The following NECTIN1 variants were observed in gnomAD, a reference collection of about 807,000 sequenced individuals.
NECTIN1 encodes the protein nectin-1.
A neutral mutation model predicts 48.0 loss-of-function variants in NECTIN1; 23 were observed. The observed-to-expected ratio is 0.48, with a 90% CI of 0.34 to 0.68. The LOEUF is 0.68. NECTIN1 is among the 30% of genes least tolerant of loss of function. The pLI is 0.01. For synonymous variants in NECTIN1, 270 were observed against 288.9 expected (o/e 0.93, Z 0.66); for missense variants, 591 against 709.9 (o/e 0.83, Z 1.90).
chr11:119,641,075 CCCTTCTCTCT>C (rs1359487439), intron 5 of NECTIN1: 2 of 148,414 alleles, frequency 1.3e-5, no homozygotes, highest in African/African-American at 5.2e-5. Context: ...TGTCTCTCTC[CCCTTCTCTCT>C]GCTCCATTCC....
intron 1 of NECTIN1, among the ~76,000 whole-genome samples, chr11:119,689,536 C>T (rs117095705): frequency 2.6e-5 from 4 of 152,226 alleles, no homozygotes; most frequent in East Asian, 1.9e-4. Flanking sequence ...GAGGGACTAT[C>T]GGTTCAGGCT....
rs1864743891 is a variant in NECTIN1 at position 119,665,209 on chromosome 11, G to A, written c.1092C>T (p.Ile364=). 3 of 1,606,026 alleles carry A rather than the reference G, an allele frequency of 1.9e-6. No homozygotes were observed. Among genetic ancestry groups the A allele is most frequent in the Non-Finnish European group, 2.5e-6 (3 of 1,179,416 alleles). Reference sequence around the variant, plus strand: ...CGCCGACCACAATCAACACCAGCAGGATGCTCCCCGCCACGCCCCCAATGA... The same window carrying A: ...CGCCGACCACAATCAACACCAGCAGAATGCTCCCCGCCACGCCCCCAATGA... ...TAIIGGVAGS[I]LLVLIVVGGI... The change falls in exon 6 of 6, where the codon ATC becomes ATT. Residue 364 remains isoleucine (I), a synonymous_variant. Transcript: ENST00000264025. The surrounding 1 kb of genome is among the most constrained non-coding windows in gnomAD (Gnocchi z 5.1).
At chr11:119,647,556 C>T (rs1864415176) in intron 5 of NECTIN1, among the ~76,000 whole-genome samples, 1 of 152,050 alleles carries the variant, frequency 6.6e-6, no homozygotes, top group African/African-American at 2.4e-5. Flanking sequence ...ACACACCCAG[C>T]CTGCCCACCT....
chr11:119,648,331 A>C (rs992538295), intron 5 of NECTIN1, among the ~76,000 whole-genome samples: 270 of 3,194 alleles, frequency 0.085, 22 homozygotes, highest in African/African-American at 0.2. Context: ...GATGGTGGTG[A>C]TGGTGGTGGT....
At chr11:119,676,030 AC>A (rs1864942843) in intron 4 of NECTIN1, among the ~76,000 whole-genome samples, 1 of 151,940 alleles carries the variant, frequency 6.6e-6, no homozygotes, top group Non-Finnish European at 1.5e-5. Flanking sequence ...AAATAATAAT[AC>A]AGATGCCTTG....
chr11:119,720,053 T>G, intron 1 of NECTIN1, among the ~76,000 whole-genome samples: 1 of 152,026 alleles, frequency 6.6e-6, no homozygotes, highest in East Asian at 1.9e-4. Flanking sequence ...GGGGGACCAG[T>G]TAGGGTGGTG....
intron 5 of NECTIN1, among the ~76,000 whole-genome samples, chr11:119,647,618 T>A (rs1025530178): frequency 2.0e-5 from 3 of 151,822 alleles, no homozygotes; most frequent in Admixed American, 2.0e-4. Context: ...CCTCCCTATC[T>A]GCTTCTCACA....
rs1006703207 is a variant in NECTIN1, at chr11:119,646,046, G to A, written c.1004-6034C>T. Among the ~76,000 whole-genome samples the A allele has an allele frequency of 3.9e-5, 6 of 152,308 alleles. No individual in the cohort carries two copies. In the South Asian group the frequency reaches 1.0e-3, roughly 26 times the overall value. Reference sequence around the variant, plus strand: ...GCTGCTGGGAGTCCCCTGCCTCCTGGCCTTTTCCTTGAGTTGGGCTCCCGG... The same window carrying A: ...GCTGCTGGGAGTCCCCTGCCTCCTGACCTTTTCCTTGAGTTGGGCTCCCGG... On this transcript the variant is annotated intron_variant, in intron 5 of 7. Transcript: ENST00000341398.
chr11:119,720,495 G>A (rs573606482), intron 1 of NECTIN1, among the ~76,000 whole-genome samples: 16 of 152,404 alleles, frequency 1.0e-4, no homozygotes, highest in Admixed American at 4.6e-4. Context: ...CTGCGAAAGC[G>A]TGGGCTGACC....
chr11:119,712,290 C>T (rs1048742459), intron 1 of NECTIN1, among the ~76,000 whole-genome samples: 1 of 148,908 alleles, frequency 6.7e-6, no homozygotes, highest in Non-Finnish European at 1.5e-5. Flanking sequence ...TCCTTCTCAG[C>T]CTCCAGGTTT....
chr11:119,702,951 G>C (rs1301826877), intron 1 of NECTIN1, among the ~76,000 whole-genome samples: 1 of 152,176 alleles, frequency 6.6e-6, no homozygotes, highest in African/African-American at 2.4e-5. Flanking sequence ...CTGTCCCCCA[G>C]TATGGGTTAA....
intron 4 of NECTIN1, chr11:119,675,698 T>G: frequency 4.1e-6 from 1 of 242,226 alleles, no homozygotes; most frequent in Non-Finnish European, 8.3e-6. Context: ...CTTGGTCTCC[T>G]GGGCAGCTGG....
At position 119,643,351 on chromosome 11, in the gene NECTIN1, C is replaced by T. The variant is rs1209310269; in HGVS notation, c.1004-3339G>A. On this transcript the variant is annotated intron_variant, in intron 5 of 7. Transcript: ENST00000341398. ...GCTGATTTGGGGCATATTTGATCCT[C>T]GTATTGAGCCTGCAAAATGAGATAA... Among the ~76,000 whole-genome samples, 7 of 152,198 alleles carry T rather than the reference C, an allele frequency of 4.6e-5. No homozygotes were observed. In the South Asian group the frequency reaches 8.3e-4, roughly 18 times the overall value.
Position 119,662,429 on chromosome 11 carries a change from G to A in NECTIN1, c.*2318C>T. On this transcript the variant is annotated 3_prime_UTR_variant, in exon 6 of 6. Transcript: ENST00000264025. The surrounding 1 kb of genome is among the most constrained non-coding windows in gnomAD (Gnocchi z 5.3). Reference sequence around the variant, plus strand: ...GTCAGGAGCCTCCTACGTGGCCCATGCTACATGGACCCCAAAATTTGTGCT... The same window carrying A: ...GTCAGGAGCCTCCTACGTGGCCCATACTACATGGACCCCAAAATTTGTGCT... 7.1e-6 allele frequency: 7 copies of A among 985,788 alleles called. No homozygotes were observed. The highest frequency in any genetic ancestry group is 8.4e-6 in the Non-Finnish European group (7 of 829,950). 61.1% of individuals were successfully genotyped at this position (985,788 alleles called of 1,614,324 possible).
In NECTIN1 at chr11:119,648,141, A is replaced by C. The variant is rs137971606; in HGVS notation, c.1004-8129T>G. Among the ~76,000 whole-genome samples, 4 of 141,998 alleles carry C rather than the reference A, an allele frequency of 2.8e-5. No individual in the cohort carries two copies. In the East Asian group the frequency reaches 8.5e-4, roughly 30 times the overall value. 93.2% of individuals were successfully genotyped at this position (141,998 alleles called of 152,430 possible). A position where few individuals can be genotyped will look rare whatever the true frequency, so the allele number is the denominator to read the frequency against. The stretch of plus-strand genomic sequence containing the variant: ...GTAAGCACGTGAGAGCCTGGCACTG[A>C]GCGGCGCCCAGAAATAATAGGAATA... On this transcript the variant is annotated intron_variant, in intron 5 of 7. Transcript: ENST00000341398.
chr11:119,692,321 G>GCTTCC (rs1865270534), intron 1 of NECTIN1, among the ~76,000 whole-genome samples: 1 of 152,210 alleles, frequency 6.6e-6, no homozygotes, highest in Admixed American at 6.5e-5. Context: ...GTGGCCACCT[G>GCTTCC]CTTCCCTTCC....
chr11:119,702,155 T>C (rs6589768), intron 1 of NECTIN1, among the ~76,000 whole-genome samples: 151,724 of 152,332 alleles, frequency 1, 75,571 homozygotes, highest in Middle Eastern at 1. Context: ...ATCTGTGTGA[T>C]GTGATCTCAT....
intron 5 of NECTIN1, among the ~76,000 whole-genome samples, chr11:119,655,543 C>G (rs566558005): frequency 1.3e-5 from 2 of 152,106 alleles, no homozygotes; most frequent in East Asian, 3.9e-4. Context: ...CAGGTTTGCC[C>G]GACTCTGAAG....
chr11:119,690,606 G>A (rs1591468310), intron 1 of NECTIN1, among the ~76,000 whole-genome samples: 1 of 152,210 alleles, frequency 6.6e-6, no homozygotes, highest in Non-Finnish European at 1.5e-5. Flanking sequence ...GGTCCCCCAG[G>A]CACCAGCAGA....
Sources: gnomAD v4.1 joint callset for allele counts (sites outside exome capture counted in the v4.1 genomes callset) on GRCh38, gnomAD v4.1.1 for gene constraint, Gnocchi (gnomAD v3.1) non-coding constraint, MANE v1.5 for transcripts, NCBI Gene and HGNC (gene_info 2026-07-23, HGNC 2026-07-21) for gene names.